Variants in TTC7B observed in about 807,000 individuals in gnomAD.
TTC7B encodes tetratricopeptide repeat protein 7B.
A neutral mutation model predicts 106.8 loss-of-function variants in TTC7B; 28 were observed. The ratio of observed to expected loss-of-function variants is 0.26; its 90% CI spans 0.19 to 0.36. The LOEUF (loss-of-function observed/expected upper bound fraction) is 0.36, where lower values mean the gene tolerates loss of function less well. Among genes scored for constraint, TTC7B ranks in the 10% least tolerant of loss-of-function variants. TTC7B has a pLI of 1.00. For missense variants in TTC7B, 862 were observed against 1,076.4 expected (o/e 0.80, Z 2.79); for synonymous variants, 405 against 430.6 (o/e 0.94, Z 0.74).
At chr14:90,659,213 TTGTGTGTG>T (rs148678143) in intron 9 of TTC7B, among the ~76,000 whole-genome samples, 2 of 146,620 alleles carry the variant, frequency 1.4e-5, no homozygotes, top group South Asian at 4.4e-4. Context: ...ACGAGTGTGA[TTGTGTGTG>T]TGTGTGTGTG....
chr14:90,626,420 T>C (rs773155305), intron 15 of TTC7B, among the ~76,000 whole-genome samples: 14 of 152,202 alleles, frequency 9.2e-5, no homozygotes, highest in Non-Finnish European at 1.9e-4. Context: ...GAAGGTGCTC[T>C]AGCCCTGCCC....
At chr14:90,793,644 T>C (rs1891666400) in intron 1 of TTC7B, among the ~76,000 whole-genome samples, 1 of 151,628 alleles carries the variant, frequency 6.6e-6, no homozygotes, top group South Asian at 2.1e-4. Flanking sequence ...GTTTTGCTCT[T>C]GTTGCCCAGG....
chr14:90,667,761 A>C (rs919344732), intron 9 of TTC7B, among the ~76,000 whole-genome samples: 1 of 152,216 alleles, frequency 6.6e-6, no homozygotes, highest in Non-Finnish European at 1.5e-5. Context: ...GAAAAAAGAC[A>C]ATATGACAAC....
intron 19 of TTC7B, among the ~76,000 whole-genome samples, chr14:90,558,374 C>A (rs2139780389): frequency 6.6e-6 from 1 of 152,382 alleles, no homozygotes; most frequent in Non-Finnish European, 1.5e-5. Flanking sequence ...ATGGGCTCTG[C>A]TTTAGGGCTG....
intron 19 of TTC7B, among the ~76,000 whole-genome samples, chr14:90,560,617 C>T (rs1237198667): frequency 6.6e-6 from 1 of 152,248 alleles, no homozygotes; most frequent in Non-Finnish European, 1.5e-5. Context: ...ATCCTCAGAA[C>T]ACTTCCCACA....
At chr14:90,768,487 C>T (rs947691928) in intron 3 of TTC7B, among the ~76,000 whole-genome samples, 8 of 152,184 alleles carry the variant, frequency 5.3e-5, no homozygotes, top group Non-Finnish European at 1.2e-4. Flanking sequence ...ACCTCCCTCC[C>T]TTGATACATG....
At chr14:90,815,225 CGCTTTAG>C (rs1288558694) in intron 1 of TTC7B, among the ~76,000 whole-genome samples, 1 of 152,184 alleles carries the variant, frequency 6.6e-6, no homozygotes, top group African/African-American at 2.4e-5. Context: ...CTGGTGCCTG[CGCTTTAG>C]GCGGGTACTA....
At chr14:90,814,310 T>C (rs1269399592) in intron 1 of TTC7B, among the ~76,000 whole-genome samples, 1 of 152,208 alleles carries the variant, frequency 6.6e-6, no homozygotes, top group African/African-American at 2.4e-5. Context: ...GGGACCATCA[T>C]AGCTTGAGTC....
At chr14:90,667,751 G>T (rs1886467633) in intron 9 of TTC7B, among the ~76,000 whole-genome samples, 1 of 152,006 alleles carries the variant, frequency 6.6e-6, no homozygotes, top group African/African-American at 2.4e-5. Flanking sequence ...TAGGCTGAAG[G>T]AAAAAAGACA....
At chr14:90,702,543 C>A (rs1312740592) in intron 5 of TTC7B, among the ~76,000 whole-genome samples, 2 of 151,656 alleles carry the variant, frequency 1.3e-5, no homozygotes, top group African/African-American at 4.8e-5. Context: ...AAAAAAAAAA[C>A]TTTTGGAATT....
chr14:90,553,537 C>A (rs945425816), intron 19 of TTC7B, among the ~76,000 whole-genome samples: 1 of 152,168 alleles, frequency 6.6e-6, no homozygotes, highest in Non-Finnish European at 1.5e-5. Context: ...CATGAGAGGA[C>A]AGTCTGAACT....
intron 5 of TTC7B, among the ~76,000 whole-genome samples, chr14:90,702,298 G>T (rs1363159218): frequency 6.6e-6 from 1 of 150,932 alleles, no homozygotes; most frequent in Non-Finnish European, 1.5e-5. Flanking sequence ...GCCCTCATTG[G>T]GTAACTGTAC....
chr14:90,777,527 T>G lies in TTC7B; in HGVS notation c.445+3211A>C, dbSNP rs531281399. The stretch of plus-strand genomic sequence containing the variant: ...GCTGGCCAGGGGAAGGGACTCTATC[T>G]GAAAACCCTGGCCAACTCAGACCTC... On this transcript the variant is annotated intron_variant, in intron 3 of 19. Transcript: ENST00000328459. 3.9e-3 allele frequency among the ~76,000 whole-genome samples: 598 copies of G among 152,198 alleles called. 6 individuals carry two copies. The highest frequency in any genetic ancestry group is 0.014 in the African/African-American group (571 of 41,540).
chr14:90,541,630 G>A (rs759725354), intron 19 of TTC7B, 41 bp from the exon 20 acceptor site: 1 of 1,473,522 alleles, frequency 6.8e-7, no homozygotes, highest in Non-Finnish European at 9.1e-7. Flanking sequence ...CAGCCATGGA[G>A]GCTTCAGGAG....
intron 18 of TTC7B, among the ~76,000 whole-genome samples, chr14:90,580,588 C>T (rs1384827590): frequency 2.6e-5 from 4 of 152,202 alleles, no homozygotes; most frequent in Admixed American, 2.6e-4. Context: ...CCTCCCGGAA[C>T]CCCCGGGCTC....
intron 1 of TTC7B, among the ~76,000 whole-genome samples, chr14:90,788,484 G>A (rs1170474992): frequency 1.3e-5 from 2 of 152,074 alleles, no homozygotes; most frequent in Non-Finnish European, 2.9e-5. Flanking sequence ...AAAGCAATAC[G>A]TTGCAAAAAC....
In TTC7B at chr14:90,658,465, A is replaced by G. The variant is rs58060185; in HGVS notation, c.1153-78T>C. ...ACTGCACAAGTGTGAGTTTGTATCT[A>G]TGCACACTAAGGTAAGTCCCATAAA... On this transcript the variant is annotated intron_variant, in intron 9 of 19. Transcript: ENST00000328459. 5,233 of 1,326,324 alleles carry G rather than the reference A, an allele frequency of 3.9e-3. 158 individuals carry two copies. The African/African-American group carries it at 0.066, about 17-fold the overall frequency. The allele number at this position is 1,326,324 out of a possible 1,614,324, so 82.2% of individuals were successfully genotyped here.
intron 19 of TTC7B, among the ~76,000 whole-genome samples, chr14:90,556,627 C>T (rs1794703956): frequency 6.6e-6 from 1 of 152,192 alleles, no homozygotes; most frequent in Admixed American, 6.5e-5. Context: ...TGGAAGCTGG[C>T]ACTCCCCCAT....
chr14:90,695,685 T>C, intron 5 of TTC7B, 107 bp from the exon 6 acceptor site: 1 of 582,886 alleles, frequency 1.7e-6, no homozygotes, highest in South Asian at 3.5e-5. Context: ...GTTGGCTAGA[T>C]TTTAAGCAAA....
Sources: gnomAD v4.1 joint callset for allele counts (sites outside exome capture counted in the v4.1 genomes callset) on GRCh38, gnomAD v4.1.1 for gene constraint, MANE v1.5 for transcripts, NCBI Gene and HGNC (gene_info 2026-07-23, HGNC 2026-07-21) for gene names.